The following RSRC1 variants were observed in gnomAD, a reference collection of about 807,000 sequenced individuals.
RSRC1 encodes serine/Arginine-related protein 53.
Under a neutral mutation model 49.1 loss-of-function variants are expected in RSRC1, and 39 were observed. The ratio of observed to expected loss-of-function variants is 0.79; its 90% CI spans 0.61 to 1.04. The LOEUF is 1.04. Among genes scored for constraint, RSRC1 ranks in the 50% least tolerant of loss-of-function variants. RSRC1 has a pLI of 0.00. For synonymous variants in RSRC1, 143 were observed against 130.8 expected, an observed-to-expected ratio of 1.09 and a Z score of -0.63; for missense variants, 388 against 402.4, an observed-to-expected ratio of 0.96 and a Z score of 0.31.
chr3:158,207,514 A>C (rs1264792714), intron 4 of RSRC1, among the ~76,000 whole-genome samples: 1 of 152,140 alleles, frequency 6.6e-6, no homozygotes, highest in Non-Finnish European at 1.5e-5. Flanking sequence ...CAAACATTTA[A>C]ATTAGGACTT....
Position 158,422,353 on chromosome 3 carries a change from A to C in RSRC1, c.584-38582A>C, listed in dbSNP as rs1413372005. 4.0e-5 allele frequency among the ~76,000 whole-genome samples: 6 copies of C among 151,128 alleles called. No homozygotes were observed. The East Asian group carries it at 9.8e-4, about 25-fold the overall frequency. On this transcript the variant is annotated intron_variant, in intron 6 of 9. Transcript: ENST00000611884. ...TGGTTTTTTGTTCTTGTGATAGTTT[A>C]CTGAGAATGATGATTTCCAATTTCA...
chr3:158,271,016 T>C (rs1725489233), intron 4 of RSRC1, among the ~76,000 whole-genome samples: 1 of 152,104 alleles, frequency 6.6e-6, no homozygotes, highest in Admixed American at 6.6e-5. Flanking sequence ...AAAAGGATTA[T>C]CCCCGTGTCA....
intron 4 of RSRC1, among the ~76,000 whole-genome samples, chr3:158,253,589 G>C (rs1000041254): frequency 2.0e-5 from 3 of 152,034 alleles, no homozygotes; most frequent in African/African-American, 7.2e-5. Flanking sequence ...CCGTTTCCTG[G>C]ATAGTGCACA....
intron 7 of RSRC1, among the ~76,000 whole-genome samples, chr3:158,488,808 C>T (rs1417368160): frequency 1.3e-5 from 2 of 152,148 alleles, no homozygotes; most frequent in East Asian, 1.9e-4. Flanking sequence ...AACATCCTGC[C>T]TTTATCTAAT....
chr3:158,201,733 T>G (rs1721058752), intron 3 of RSRC1, among the ~76,000 whole-genome samples: 1 of 152,222 alleles, frequency 6.6e-6, no homozygotes, highest in Non-Finnish European at 1.5e-5. Context: ...TTGCTTAACT[T>G]TATCTTCATT....
chr3:158,497,686 C>T (rs1177644418), intron 7 of RSRC1, among the ~76,000 whole-genome samples: 2 of 152,146 alleles, frequency 1.3e-5, no homozygotes, highest in Non-Finnish European at 2.9e-5. Context: ...CCGCCTGCCT[C>T]AGCCTCCCAA....
intron 5 of RSRC1, among the ~76,000 whole-genome samples, chr3:158,337,185 C>T (rs780621212): frequency 2.6e-5 from 4 of 152,236 alleles, no homozygotes; most frequent in South Asian, 2.1e-4. Context: ...GCTTCCCACG[C>T]GGAGAGCGAA....
chr3:158,177,561 A>G (rs1719302906), intron 3 of RSRC1, among the ~76,000 whole-genome samples: 1 of 151,840 alleles, frequency 6.6e-6, no homozygotes, highest in Non-Finnish European at 1.5e-5. Context: ...CAAACACCGT[A>G]TATTCTCACT....
intron 7 of RSRC1, among the ~76,000 whole-genome samples, chr3:158,476,660 G>GA (rs1214148517): frequency 6.6e-6 from 1 of 152,032 alleles, no homozygotes; most frequent in Non-Finnish European, 1.5e-5. Context: ...ATACTGCTCA[G>GA]AAAAAAAGAC....
At chr3:158,131,733 C>G (rs914701293) in intron 3 of RSRC1, among the ~76,000 whole-genome samples, 1 of 152,010 alleles carries the variant, frequency 6.6e-6, no homozygotes, top group African/African-American at 2.4e-5. Context: ...CTCATGATTT[C>G]TTGAAACTGT....
intron 5 of RSRC1, among the ~76,000 whole-genome samples, chr3:158,310,838 C>CATAT (rs1029542071): frequency 4.0e-5 from 6 of 151,680 alleles, no homozygotes; most frequent in Non-Finnish European, 8.9e-5. Context: ...ACATGGTACT[C>CATAT]ATATGTCAAA....
intron 4 of RSRC1, among the ~76,000 whole-genome samples, chr3:158,238,853 G>A (rs1070894): frequency 0.57 from 86,772 of 151,920 alleles, 25,136 homozygotes; most frequent in East Asian, 0.73. Context: ...CAACAAAAGC[G>A]GAAATAGACA....
chr3:158,229,516 T>C (rs556240450), intron 4 of RSRC1, among the ~76,000 whole-genome samples: 3 of 150,850 alleles, frequency 2.0e-5, no homozygotes, highest in African/African-American at 7.3e-5. Flanking sequence ...TTTCCTTGCC[T>C]TTTAATTGTG....
chr3:158,265,697 T>TC (rs1725133861), intron 4 of RSRC1, among the ~76,000 whole-genome samples: 1 of 152,210 alleles, frequency 6.6e-6, no homozygotes, highest in Non-Finnish European at 1.5e-5. Context: ...TGACTTTTTT[T>TC]CCGCCACTTG....
At chr3:158,428,760 G>A (rs1735604950) in intron 6 of RSRC1, among the ~76,000 whole-genome samples, 1 of 151,862 alleles carries the variant, frequency 6.6e-6, no homozygotes, top group African/African-American at 2.4e-5. Context: ...CTGGATATGA[G>A]TTAGGTCCCA....
chr3:158,455,371 C>T (rs1012681152), intron 6 of RSRC1, among the ~76,000 whole-genome samples: 3 of 151,988 alleles, frequency 2.0e-5, no homozygotes, highest in African/African-American at 7.3e-5. Context: ...CGGCATGAGT[C>T]GGACACCCTG....
intron 3 of RSRC1, among the ~76,000 whole-genome samples, chr3:158,166,656 A>G (rs1281991838): frequency 1.3e-5 from 2 of 152,164 alleles, no homozygotes; most frequent in Non-Finnish European, 2.9e-5. Flanking sequence ...GGAGGCTTAA[A>G]TGTGAATCAG....
intron 4 of RSRC1, among the ~76,000 whole-genome samples, chr3:158,297,608 A>G (rs1727307985): frequency 1.3e-5 from 2 of 151,960 alleles, no homozygotes; most frequent in Non-Finnish European, 2.9e-5. Flanking sequence ...GTGGATGGAT[A>G]TTTGAGAAAC....
chr3:158,544,292 T>G lies in RSRC1; in HGVS notation c.*17T>G, dbSNP rs563676977. 1 of 1,471,196 alleles carries G rather than the reference T, an allele frequency of 6.8e-7. No individual in the cohort carries two copies. The highest frequency in any genetic ancestry group is 1.4e-5 in the African/African-American group (1 of 71,384). The allele number at this position is 1,471,196 out of a possible 1,614,324, so 91.1% of individuals were successfully genotyped here. On this transcript the variant is annotated 3_prime_UTR_variant, in exon 10 of 10. Coordinates refer to ENST00000611884, the MANE Select transcript of RSRC1 (RefSeq NM_001271838.2). ...GTGGCCTAAGTAATATACATATAGTTGGATTGGATTGTCAGCAGTAACATT... is the reference window on the plus strand; with the variant it reads ...GTGGCCTAAGTAATATACATATAGTGGGATTGGATTGTCAGCAGTAACATT...
Sources: gnomAD v4.1 joint callset for allele counts (sites outside exome capture counted in the v4.1 genomes callset) on GRCh38, gnomAD v4.1.1 for gene constraint, MANE v1.5 for transcripts, NCBI Gene and HGNC (gene_info 2026-07-23, HGNC 2026-07-21) for gene names.